CNTN4: variants seen among roughly 807,000 people sequenced by gnomAD.
CNTN4 encodes contactin-4.
A neutral mutation model predicts 122.5 loss-of-function variants in CNTN4; 77 were observed. The ratio of observed to expected loss-of-function variants is 0.63; its 90% CI spans 0.52 to 0.76. The LOEUF is 0.76. CNTN4 is among the 30% of genes least tolerant of loss of function. CNTN4 has a pLI of 0.00. For synonymous variants in CNTN4, 512 were observed against 447.0 expected (o/e 1.15, Z -1.83); for missense variants, 1,256 against 1,259.1 (o/e 1.00, Z 0.04).
intron 3 of CNTN4, among the ~76,000 whole-genome samples, chr3:2,461,155 T>C (rs2049191411): frequency 6.6e-6 from 1 of 152,164 alleles, no homozygotes; most frequent in African/African-American, 2.4e-5. Flanking sequence ...TCCATGATTA[T>C]ATAAACACAG....
intron 3 of CNTN4, among the ~76,000 whole-genome samples, chr3:2,506,828 G>A (rs192580447): frequency 1.8e-4 from 27 of 152,256 alleles, no homozygotes; most frequent in African/African-American, 6.3e-4. Context: ...GTGCAAGAGA[G>A]GCTGGAATGA....
chr3:2,437,033 T>C (rs1434739511), intron 3 of CNTN4, among the ~76,000 whole-genome samples: 1 of 152,006 alleles, frequency 6.6e-6, no homozygotes, highest in Non-Finnish European at 1.5e-5. Context: ...TTATAGGTCC[T>C]TAGATAAAAT....
In CNTN4 at chr3:2,829,554, G is replaced by A. The variant is rs1173612127; in HGVS notation, c.454+9973G>A. 5.9e-5 allele frequency among the ~76,000 whole-genome samples: 9 copies of A among 152,322 alleles called. No individual in the cohort carries two copies. The South Asian group carries it at 1.4e-3, about 25-fold the overall frequency. Reference sequence around the variant, plus strand: ...TCTACCAGATATGACAAGAAGAAGTGAGGTGGATATTTCTGATTTCAGTTA... The same window carrying A: ...TCTACCAGATATGACAAGAAGAAGTAAGGTGGATATTTCTGATTTCAGTTA... On this transcript the variant is annotated intron_variant, in intron 7 of 24. Transcript: ENST00000418658.
intron 2 of CNTN4, among the ~76,000 whole-genome samples, chr3:2,141,403 G>A (rs1280093865): frequency 2.6e-5 from 4 of 152,122 alleles, no homozygotes; most frequent in African/African-American, 7.2e-5. Context: ...CAAGGATCAA[G>A]GTCAGTCCCT....
chr3:2,843,551 G>A (rs113506387), intron 7 of CNTN4, among the ~76,000 whole-genome samples: 12,083 of 152,240 alleles, frequency 0.079, 545 homozygotes, highest in Non-Finnish European at 0.1. Context: ...GGGCCTGGTG[G>A]GAGGTGATTG....
intron 2 of CNTN4, among the ~76,000 whole-genome samples, chr3:2,307,768 G>C (rs1026701725): frequency 3.3e-5 from 5 of 151,904 alleles, no homozygotes; most frequent in African/African-American, 1.2e-4. Context: ...GAATAATCTG[G>C]TCTATATCAT....
At chr3:2,914,642 T>C (rs923314290) in intron 12 of CNTN4, among the ~76,000 whole-genome samples, 1 of 152,178 alleles carries the variant, frequency 6.6e-6, no homozygotes, top group African/African-American at 2.4e-5. Flanking sequence ...AAGTAGTAAT[T>C]TAAACTTCCC....
At chr3:2,259,129 G>C (rs1260775906) in intron 2 of CNTN4, among the ~76,000 whole-genome samples, 4 of 151,622 alleles carry the variant, frequency 2.6e-5, no homozygotes, top group African/African-American at 7.3e-5. Flanking sequence ...TTTTTCTTCA[G>C]AACATTCCCT....
intron 4 of CNTN4, among the ~76,000 whole-genome samples, chr3:2,640,613 C>A (rs559943693): frequency 6.6e-6 from 1 of 150,862 alleles, no homozygotes; most frequent in East Asian, 2.0e-4. Context: ...ACAAGAACAG[C>A]TCTTTAATAT....
chr3:2,491,249 A>T (rs1324438987), intron 3 of CNTN4, among the ~76,000 whole-genome samples: 1 of 152,220 alleles, frequency 6.6e-6, no homozygotes, highest in African/African-American at 2.4e-5. Flanking sequence ...GTATGAATTT[A>T]TGATTATCAA....
At chr3:2,386,742 A>C (rs2150835418) in intron 3 of CNTN4, among the ~76,000 whole-genome samples, 1 of 152,346 alleles carries the variant, frequency 6.6e-6, no homozygotes, top group Middle Eastern at 3.4e-3. Context: ...ACGAATTATT[A>C]AGTATTACAT....
intron 3 of CNTN4, among the ~76,000 whole-genome samples, chr3:2,547,556 T>C (rs2078301021): frequency 6.6e-6 from 1 of 152,106 alleles, no homozygotes; most frequent in South Asian, 2.1e-4. Flanking sequence ...TGAGCCATCA[T>C]GCCTGGCCAT....
At chr3:2,592,541 G>A (rs896140191) in intron 4 of CNTN4, among the ~76,000 whole-genome samples, 1 of 152,070 alleles carries the variant, frequency 6.6e-6, no homozygotes, top group Non-Finnish European at 1.5e-5. Flanking sequence ...TAGTGAATGG[G>A]TCTCATGAGA....
intron 2 of CNTN4, among the ~76,000 whole-genome samples, chr3:2,122,474 C>T (rs768936488): frequency 1.1e-4 from 17 of 152,048 alleles, no homozygotes; most frequent in Admixed American, 3.9e-4. Context: ...CTCTTCCCTG[C>T]GAAGAGTATT....
intron 4 of CNTN4, among the ~76,000 whole-genome samples, chr3:2,726,852 T>C (rs1000423605): frequency 6.6e-6 from 1 of 152,166 alleles, no homozygotes; most frequent in Non-Finnish European, 1.5e-5. Context: ...TGCATTCATA[T>C]TGGCTTATCG....
At chr3:2,175,048 C>G (rs1351117095) in intron 2 of CNTN4, among the ~76,000 whole-genome samples, 1 of 152,158 alleles carries the variant, frequency 6.6e-6, no homozygotes, top group Non-Finnish European at 1.5e-5. Flanking sequence ...ATATCACTAT[C>G]ACATTGGTGA....
chr3:2,906,318 C>T (rs1034891412), intron 12 of CNTN4, among the ~76,000 whole-genome samples: 7 of 151,964 alleles, frequency 4.6e-5, no homozygotes, highest in Non-Finnish European at 2.9e-5. Context: ...TCAAAAAATG[C>T]TGAGGGAGCG....
intron 4 of CNTN4, among the ~76,000 whole-genome samples, chr3:2,722,697 T>A (rs533319576): frequency 1.3e-4 from 20 of 152,276 alleles, no homozygotes; most frequent in African/African-American, 4.3e-4. Flanking sequence ...ACAGAAAGGG[T>A]TTTTGCTTTG....
chr3:2,114,494 T>C (rs13323927), intron 2 of CNTN4, among the ~76,000 whole-genome samples: 13,578 of 151,942 alleles, frequency 0.089, 780 homozygotes, highest in Non-Finnish European at 0.13. Flanking sequence ...AAAGAGGGTA[T>C]AGTATGTACA....
Sources: gnomAD v4.1 joint callset for allele counts (sites outside exome capture counted in the v4.1 genomes callset) on GRCh38, gnomAD v4.1.1 for gene constraint, MANE v1.5 for transcripts, NCBI Gene and HGNC (gene_info 2026-07-23, HGNC 2026-07-21) for gene names.